MCF2L2: variants seen among roughly 807,000 people sequenced by gnomAD.
MCF2L2 encodes the protein probable guanine nucleotide exchange factor MCF2L2.
In MCF2L2, 102 loss-of-function variants were observed where a neutral mutation model predicts 150.2. The ratio of observed to expected loss-of-function variants is 0.68; its 90% CI spans 0.58 to 0.80. MCF2L2 has a LOEUF of 0.80. Among genes scored for constraint, MCF2L2 ranks in the 30% least tolerant of loss-of-function variants. MCF2L2 has a pLI of 0.00. For synonymous variants in MCF2L2, 465 were observed against 491.3 expected (o/e 0.95, Z 0.71); for missense variants, 1,256 against 1,372.8 (o/e 0.91, Z 1.34).
chr3:183,326,508 A>AAAAAAAAAC (rs1374346310), intron 5 of MCF2L2, among the ~76,000 whole-genome samples: 16 of 138,276 alleles, frequency 1.2e-4, no homozygotes, highest in African/African-American at 4.5e-4. Flanking sequence ...AAAAAAAAAA[A>AAAAAAAAAC]AAAAAAAACA....
At chr3:183,249,548 C>T (rs989037611) in intron 15 of MCF2L2, among the ~76,000 whole-genome samples, 3 of 152,154 alleles carry the variant, frequency 2.0e-5, no homozygotes, top group East Asian at 1.9e-4. Flanking sequence ...TGGAAGAAAC[C>T]GGGTTCTCAG....
chr3:183,272,969 A>G, intron 15 of MCF2L2: 2 of 1,453,310 alleles, frequency 1.4e-6, no homozygotes. Flanking sequence ...ACAAGTTTAA[A>G]TTTCAAGGAA....
rs149108049 is a variant in MCF2L2, at chr3:183,263,964, C to T, written c.1862+12908G>A. Among the ~76,000 whole-genome samples, 24 of 152,222 alleles carry T rather than the reference C, an allele frequency of 1.6e-4. No individual in the cohort carries two copies. The East Asian group carries it at 3.1e-3, about 20-fold the overall frequency. On this transcript the variant is annotated intron_variant, in intron 15 of 29. Transcript: ENST00000328913. ...TCGACTAGGCCTTCCTCACCTCATC[C>T]GGCATCAGTGTGAGCCCTTGAGAAA...
At chr3:183,274,236 C>T (rs936420105) in intron 15 of MCF2L2, among the ~76,000 whole-genome samples, 1 of 151,820 alleles carries the variant, frequency 6.6e-6, no homozygotes, top group Non-Finnish European at 1.5e-5. Flanking sequence ...ATGCATTTCT[C>T]AGAACTTATC....
intron 25 of MCF2L2, among the ~76,000 whole-genome samples, chr3:183,199,876 G>A (rs895741416): frequency 4.0e-5 from 6 of 150,270 alleles, no homozygotes; most frequent in Admixed American, 3.4e-4. Flanking sequence ...AACACACGGT[G>A]TTTGGTTTTC....
chr3:183,323,386 A>G (rs1729894801), intron 5 of MCF2L2, 35 bp from the exon 6 acceptor site: 1 of 1,072,804 alleles, frequency 9.3e-7, no homozygotes. Context: ...CATACTCCTC[A>G]TTGATCATTA....
chr3:183,418,054 G>A (rs1047471350), intron 1 of MCF2L2, among the ~76,000 whole-genome samples: 3 of 152,098 alleles, frequency 2.0e-5, no homozygotes, highest in African/African-American at 7.2e-5. Context: ...TGAGTGTGGT[G>A]GTGCGCACCT....
In MCF2L2 at chr3:183,361,963, T is replaced by C. The variant is rs375263759; in HGVS notation, c.275+17334A>G. ...TCATGCACAAAATTATTTAAAATAGTGTATAAAATTACCTTCAGGATATAT... is the reference window on the plus strand; with the variant it reads ...TCATGCACAAAATTATTTAAAATAGCGTATAAAATTACCTTCAGGATATAT... On this transcript the variant is annotated intron_variant, in intron 3 of 29. Transcript: ENST00000328913. 1.6e-4 allele frequency among the ~76,000 whole-genome samples: 25 copies of C among 152,328 alleles called. No homozygotes were observed. In the South Asian group the frequency reaches 2.7e-3, roughly 16 times the overall value.
At chr3:183,271,032 G>A (rs1726728309) in intron 15 of MCF2L2, 3 of 1,175,706 alleles carry the variant, frequency 2.6e-6, no homozygotes, top group Non-Finnish European at 3.5e-6. Context: ...AAATGAGGAC[G>A]AAAGACAAAT....
At chr3:183,279,802 G>A (rs1490485104) in intron 14 of MCF2L2, among the ~76,000 whole-genome samples, 8 of 152,314 alleles carry the variant, frequency 5.3e-5, no homozygotes, top group African/African-American at 7.2e-5. Flanking sequence ...AGGCCGAGGC[G>A]AGTGGATCAC....
intron 27 of MCF2L2, among the ~76,000 whole-genome samples, chr3:183,188,069 C>T (rs574384813): frequency 3.3e-5 from 5 of 152,258 alleles, no homozygotes; most frequent in African/African-American, 1.2e-4. Flanking sequence ...TAGGACATCT[C>T]GCAATACTCC....
At chr3:183,401,620 C>A (rs1032115842) in intron 1 of MCF2L2, among the ~76,000 whole-genome samples, 3 of 152,198 alleles carry the variant, frequency 2.0e-5, no homozygotes, top group Non-Finnish European at 4.4e-5. Flanking sequence ...TCCCAGGCAA[C>A]CACCACTGTG....
At chr3:183,386,338 C>A (rs745490420) in intron 2 of MCF2L2, among the ~76,000 whole-genome samples, 99 of 152,336 alleles carry the variant, frequency 6.5e-4, no homozygotes, top group African/African-American at 1.8e-3. Flanking sequence ...TGTCTTCCAA[C>A]GTCAGAGCTA....
At chr3:183,229,636 T>G in intron 17 of MCF2L2, 30 bp downstream of exon 17, 2 of 1,022,436 alleles carry the variant, frequency 2.0e-6, no homozygotes, top group Non-Finnish European at 3.0e-6. Flanking sequence ...TTACTCTCCA[T>G]TCTTTCTGAT....
At chr3:183,292,208 G>A (rs1000871847) in intron 13 of MCF2L2, among the ~76,000 whole-genome samples, 1 of 152,024 alleles carries the variant, frequency 6.6e-6, no homozygotes, top group African/African-American at 2.4e-5. Flanking sequence ...TGTACTAAAT[G>A]GAGAATTACC....
At chr3:183,287,564 C>T (rs560241403) in intron 14 of MCF2L2, 3 of 152,294 alleles carry the variant, frequency 2.0e-5, no homozygotes, top group African/African-American at 7.2e-5. Context: ...GGTGTTAAAT[C>T]AGGTGAATCT....
chr3:183,250,323 C>A (rs991397612), intron 15 of MCF2L2, among the ~76,000 whole-genome samples: 1 of 152,180 alleles, frequency 6.6e-6, no homozygotes, highest in Non-Finnish European at 1.5e-5. Context: ...CGGTGGTTCA[C>A]GCCTGTAGTC....
At chr3:183,329,009 A>T (rs749038809) in intron 5 of MCF2L2, among the ~76,000 whole-genome samples, 61 of 152,312 alleles carry the variant, frequency 4.0e-4, no homozygotes, top group Non-Finnish European at 7.5e-4. Context: ...ATGACTAATT[A>T]AAAAAATACC....
Position 183,286,553 on chromosome 3 carries a change from C to A in MCF2L2, c.1776+2567G>T, listed in dbSNP as rs149248010. Among the ~76,000 whole-genome samples, 394 of 152,190 alleles carry A rather than the reference C, an allele frequency of 2.6e-3. 2 individuals carry two copies. Among genetic ancestry groups the A allele is most frequent in the African/African-American group, 9.1e-3 (377 of 41,544 alleles). ...CATGAATCTAAACCTTTTTTTTGAACCTATCTTTTTCTTACTAGTTTTCTT... is the reference window on the plus strand; with the variant it reads ...CATGAATCTAAACCTTTTTTTTGAAACTATCTTTTTCTTACTAGTTTTCTT... On this transcript the variant is annotated intron_variant, in intron 14 of 29. Transcript: ENST00000328913.
Sources: gnomAD v4.1 joint callset for allele counts (sites outside exome capture counted in the v4.1 genomes callset) on GRCh38, gnomAD v4.1.1 for gene constraint, MANE v1.5 for transcripts, NCBI Gene and HGNC (gene_info 2026-07-23, HGNC 2026-07-21) for gene names.